The following MYOM1 variants were observed in gnomAD, a reference collection of about 807,000 sequenced individuals.
The protein encoded by MYOM1 is myomesin 1.
In MYOM1, 164 loss-of-function variants were observed where a neutral mutation model predicts 205.3. The ratio of observed to expected loss-of-function variants is 0.80; its 90% confidence interval spans 0.70 to 0.91. The LOEUF (loss-of-function observed/expected upper bound fraction) is 0.91, where lower values mean the gene tolerates loss of function less well. Among genes scored for constraint, MYOM1 ranks in the 40% least tolerant of loss-of-function variants. The pLI, the probability that MYOM1 is intolerant of heterozygous loss-of-function variation, is 0.00. For synonymous variants in MYOM1, 772 were observed against 789.4 expected, an observed-to-expected ratio of 0.98 and a Z score of 0.37; for missense variants, 2,011 against 2,127.3, an observed-to-expected ratio of 0.95 and a Z score of 1.08.
chr18:3,090,104 A>G (rs894939948), intron 27 of MYOM1, among the ~76,000 whole-genome samples: 3 of 152,206 alleles, frequency 2.0e-5, no homozygotes, highest in Admixed American at 6.5e-5. Context: ...TTTATATATG[A>G]AAGTATTTAA....
chr18:3,116,564 G>T, intron 20 of MYOM1, 49 bp from the exon 21 acceptor site: 1 of 1,462,878 alleles, frequency 6.8e-7, no homozygotes, highest in Non-Finnish European at 9.1e-7. Flanking sequence ...GAGAAAACTC[G>T]TCTCCACACG....
At chr18:3,169,084 G>T (rs371155524) in intron 8 of MYOM1, 103 bp from the exon 9 acceptor site, 22 of 849,234 alleles carry the variant, frequency 2.6e-5, no homozygotes, top group Middle Eastern at 2.5e-4. Context: ...AAAAAAAAAT[G>T]AACAAATGAG....
At chr18:3,233,803 C>A in the MYOM1 span, among the ~76,000 whole-genome samples, 1 of 152,320 alleles carries the variant, frequency 6.6e-6, no homozygotes, top group South Asian at 2.1e-4. Context: ...TGGAATTAGG[C>A]CTTGCTGGAA....
intron 33 of MYOM1, among the ~76,000 whole-genome samples, chr18:3,080,448 C>T (rs1434024024): frequency 6.6e-6 from 1 of 151,914 alleles, no homozygotes; most frequent in African/African-American, 2.4e-5. Flanking sequence ...CGGAGGCAGG[C>T]GGATCACCTG....
rs376573411 is a variant in MYOM1, at chr18:3,165,171, GAATA to G, written c.1340-736_1340-733del. 3.2e-3 allele frequency among the ~76,000 whole-genome samples: 481 copies of G among 152,228 alleles called. 1 individual carries two copies. Among genetic ancestry groups the G allele is most frequent in the South Asian group, 0.012 (59 of 4,820 alleles). On this transcript the variant is annotated intron_variant, in intron 9 of 37. Coordinates refer to ENST00000356443, the MANE Select transcript of MYOM1 (RefSeq NM_003803.4). ...TGATGACTCCAGATTCTAGAACCTA[GAATA>G]AAGGGACAATCTAGAATCTAGAATA...
At chr18:3,202,552 A>G (rs2081081591) in intron 2 of MYOM1, among the ~76,000 whole-genome samples, 1 of 152,198 alleles carries the variant, frequency 6.6e-6, no homozygotes. Context: ...ACATCAAGAA[A>G]TATTATTAGA....
chr18:3,101,751 C>T (rs1023995052), intron 23 of MYOM1, among the ~76,000 whole-genome samples: 1 of 152,062 alleles, frequency 6.6e-6, no homozygotes, highest in African/African-American at 2.4e-5. Context: ...ATTATTAAAG[C>T]TGATCTTTAT....
intron 22 of MYOM1, 43 bp from the exon 23 acceptor site, chr18:3,102,673 G>A (rs1454758066): frequency 1.3e-6 from 2 of 1,581,032 alleles, no homozygotes; most frequent in Non-Finnish European, 1.7e-6. Flanking sequence ...GTGGAGGAAA[G>A]CAACCAAGTA....
chr18:3,154,313 T>G (rs1191293414), intron 11 of MYOM1, among the ~76,000 whole-genome samples: 1 of 151,986 alleles, frequency 6.6e-6, no homozygotes, highest in Non-Finnish European at 1.5e-5. Context: ...TTTTTGGAAC[T>G]TTTACCTAAA....
chr18:3,164,093 G>A (rs1055959297), intron 10 of MYOM1, among the ~76,000 whole-genome samples, 185 bp downstream of exon 10: 15 of 152,150 alleles, frequency 9.9e-5, no homozygotes, highest in African/African-American at 3.6e-4. Flanking sequence ...CTGGGTTCAA[G>A]AGATCCTCCC....
intron 25 of MYOM1, among the ~76,000 whole-genome samples, chr18:3,097,754 C>T (rs1156835195): frequency 2.6e-5 from 4 of 152,100 alleles, no homozygotes; most frequent in African/African-American, 9.7e-5. Context: ...TACCAAAATG[C>T]GACACTGGGT....
chr18:3,214,673 A>T (rs1426915962), intron 2 of MYOM1, among the ~76,000 whole-genome samples: 2 of 152,078 alleles, frequency 1.3e-5, no homozygotes, highest in Admixed American at 1.3e-4. Flanking sequence ...AAAACACGAC[A>T]TGAGCCGGGC....
chr18:3,127,035 T>C, intron 18 of MYOM1, 138 bp from the exon 19 acceptor site: 1 of 705,780 alleles, frequency 1.4e-6, no homozygotes. Flanking sequence ...GAACTTGGCA[T>C]TGAACTTGGT....
the MYOM1 span, among the ~76,000 whole-genome samples, chr18:3,239,533 G>A: frequency 2.5e-4 from 38 of 152,186 alleles, no homozygotes; most frequent in African/African-American, 8.9e-4. Context: ...CGCAGGCAGA[G>A]AGCTAGAGCT....
In MYOM1 at chr18:3,168,859, C is replaced by T; in HGVS notation, c.1297G>A (p.Glu433Lys). The stretch of plus-strand genomic sequence containing the variant: ...ATCTCTGGCTGGAAATGTTTAATTT[C>T]AGGAGTGATGACAACACGACAGCCT... ...SLGCRVVITPEIKHFQPEIQW... is the reference protein window; with the variant it reads ...SLGCRVVITPKIKHFQPEIQW... Residue 433 changes from glutamate (E) to lysine (K), a missense_variant, in exon 9 of 38, where the codon GAA (glutamate) becomes AAA (lysine). Glu to Lys is a moderately conservative substitution (Grantham distance 56, BLOSUM62 1). Transcript: ENST00000356443. 1 of 1,613,892 alleles carries T rather than the reference C, an allele frequency of 6.2e-7. No individual in the cohort carries two copies. The highest frequency in any genetic ancestry group is 8.5e-7 in the Non-Finnish European group (1 of 1,179,856).
chr18:3,238,824 T>C, the MYOM1 span, among the ~76,000 whole-genome samples: 1 of 152,204 alleles, frequency 6.6e-6, no homozygotes, highest in African/African-American at 2.4e-5. Flanking sequence ...CTGCATTCCC[T>C]GGCTCCTGAC....
intron 2 of MYOM1, among the ~76,000 whole-genome samples, chr18:3,214,615 G>C (rs1297722752): frequency 2.0e-5 from 3 of 152,150 alleles, no homozygotes; most frequent in Non-Finnish European, 4.4e-5. Flanking sequence ...CCTGAGGTCA[G>C]GGGCTCAAAA....
intron 21 of MYOM1, among the ~76,000 whole-genome samples, chr18:3,115,001 T>A (rs8098635): frequency 2.0e-5 from 3 of 151,640 alleles, no homozygotes; most frequent in South Asian, 2.1e-4. Context: ...CGCTTCACCC[T>A]AGTCAGTTCA....
Position 3,120,712 on chromosome 18 carries a change from T to C in MYOM1, c.2992-717A>G, listed in dbSNP as rs776941220. 5.3e-5 allele frequency among the ~76,000 whole-genome samples: 8 copies of C among 152,182 alleles called. No homozygotes were observed. The South Asian group carries it at 1.7e-3, about 32-fold the overall frequency. On this transcript the variant is annotated intron_variant, in intron 19 of 37. Coordinates refer to ENST00000356443, the MANE Select transcript of MYOM1 (RefSeq NM_003803.4). ...TGTAGCAATAGAAAGCTAGGGCATG[T>C]ACAGGTGAAATTTAAACGAGTTCTA...
Sources: gnomAD v4.1 joint callset for allele counts (sites outside exome capture counted in the v4.1 genomes callset) on GRCh38, gnomAD v4.1.1 for gene constraint, MANE v1.5 for transcripts, NCBI Gene and HGNC (gene_info 2026-07-23, HGNC 2026-07-21) for gene names.